THADA: variants seen among roughly 807,000 people sequenced by gnomAD.
The protein encoded by THADA is THADA armadillo repeat containing.
Under a neutral mutation model 219.8 loss-of-function variants are expected in THADA, and 213 were observed. That is an observed-to-expected ratio of 0.97 (90% CI 0.87 to 1.09). THADA has a LOEUF of 1.09. THADA is among the 50% of genes least tolerant of loss of function. The pLI, the probability that THADA is intolerant of heterozygous loss-of-function variation, is 0.00. For synonymous variants in THADA, 1,018 were observed against 828.9 expected, an observed-to-expected ratio of 1.23 and a Z score of -3.92; for missense variants, 2,956 against 2,311.3, an observed-to-expected ratio of 1.28 and a Z score of -5.72.
intron 26 of THADA, among the ~76,000 whole-genome samples, chr2:43,452,439 T>C (rs1035892245): frequency 1.3e-5 from 2 of 152,080 alleles, no homozygotes; most frequent in Non-Finnish European, 2.9e-5. Flanking sequence ...AGCTTGGAGG[T>C]AAATACAGAA....
At chr2:43,545,970 T>C (rs1434797795) in intron 20 of THADA, among the ~76,000 whole-genome samples, 2 of 151,554 alleles carry the variant, frequency 1.3e-5, no homozygotes, top group African/African-American at 4.8e-5. Flanking sequence ...GATGTTAGGG[T>C]GTCAATTTTG....
intron 21 of THADA, chr2:43,538,288 T>A (rs1191279797): frequency 6.6e-6 from 1 of 152,202 alleles, no homozygotes; most frequent in Non-Finnish European, 1.5e-5. Flanking sequence ...AGTTGTGAGA[T>A]AAGGTTGTGT....
At chr2:43,353,848 C>T (rs964709281) in intron 29 of THADA, among the ~76,000 whole-genome samples, 6 of 131,748 alleles carry the variant, frequency 4.6e-5, no homozygotes, top group African/African-American at 1.9e-4. Context: ...GATGTAGTCT[C>T]GCTCTGTTGC....
chr2:43,511,946 T>C (rs915783096), intron 22 of THADA, among the ~76,000 whole-genome samples: 6 of 152,162 alleles, frequency 3.9e-5, no homozygotes, highest in African/African-American at 1.4e-4. Flanking sequence ...GGGAAAGAGC[T>C]AGGTCAAGGC....
chr2:43,530,511 G>A (rs567968527), intron 21 of THADA, among the ~76,000 whole-genome samples: 22 of 152,212 alleles, frequency 1.4e-4, no homozygotes, highest in South Asian at 1.0e-3. Flanking sequence ...CCATCATTTC[G>A]ATTATTAGAG....
chr2:43,578,729 G>A (rs994404654), intron 8 of THADA, 122 bp from the exon 9 acceptor site: 1 of 526,026 alleles, frequency 1.9e-6, no homozygotes, highest in Non-Finnish European at 3.4e-6. Flanking sequence ...CACTTCCTGG[G>A]TGAATAGGTC....
At position 43,292,946 on chromosome 2, in the gene THADA, A is replaced by C. The variant is rs1247086713; in HGVS notation, c.4706T>G (p.Leu1569Ter). 4 of 1,613,922 alleles carry C rather than the reference A, an allele frequency of 2.5e-6. No individual in the cohort carries two copies. Residue 1569 changes from leucine to a stop codon, truncating the protein, a stop_gained, in exon 32 of 38, where the codon TTA (leucine) becomes TGA (stop). Transcript: ENST00000405975. LOFTEE classifies it high-confidence loss of function. ...LTLEALLEKF[L>*]AAASGLGEKG... is the part of the protein sequence containing the mutation. The stretch of plus-strand genomic sequence containing the variant: ...CTCTCCAAGTCCAGAGGCTGCTGCT[A>C]AGAACTTTTCCAAGAGGGCTTCCAG...
At chr2:43,558,994 C>T (rs1204714940) in intron 16 of THADA, among the ~76,000 whole-genome samples, 1 of 152,110 alleles carries the variant, frequency 6.6e-6, no homozygotes, top group Admixed American at 6.6e-5. Flanking sequence ...CCCTGAGCCC[C>T]TTAGTGATGT....
chr2:43,410,805 T>C (rs1407919787), intron 28 of THADA, among the ~76,000 whole-genome samples: 7 of 152,228 alleles, frequency 4.6e-5, no homozygotes, highest in Non-Finnish European at 1.0e-4. Flanking sequence ...GATGGTTTTA[T>C]GGGTATATAA....
chr2:43,428,050 C>G, intron 28 of THADA, 50 bp downstream of exon 28: 2 of 1,405,980 alleles, frequency 1.4e-6, no homozygotes, highest in Non-Finnish European at 1.9e-6. Flanking sequence ...AAAATATTCC[C>G]GTAAAACTCC....
intron 36 of THADA, among the ~76,000 whole-genome samples, chr2:43,243,320 G>A (rs980362261): frequency 1.3e-4 from 20 of 152,184 alleles, no homozygotes; most frequent in Non-Finnish European, 2.1e-4. Flanking sequence ...GGTTGTCAGA[G>A]TCAGAGTTGG....
chr2:43,516,507 G>A (rs755112334), intron 22 of THADA, among the ~76,000 whole-genome samples: 4 of 152,030 alleles, frequency 2.6e-5, no homozygotes, highest in South Asian at 4.1e-4. Context: ...CTTCCTCCAG[G>A]TATTTACATC....
intron 26 of THADA, among the ~76,000 whole-genome samples, chr2:43,457,916 T>C (rs1222493066): frequency 6.6e-6 from 1 of 151,372 alleles, no homozygotes; most frequent in East Asian, 1.9e-4. Flanking sequence ...ACACTGAGGA[T>C]GAGAAAGGAA....
intron 4 of THADA, among the ~76,000 whole-genome samples, chr2:43,587,385 T>A (rs1025627680): frequency 4.6e-5 from 7 of 152,194 alleles, no homozygotes; most frequent in Non-Finnish European, 1.0e-4. Flanking sequence ...TGACCTCATC[T>A]TTATTTATTT....
intron 26 of THADA, among the ~76,000 whole-genome samples, chr2:43,443,737 T>C (rs149484455): frequency 1.3e-5 from 2 of 152,352 alleles, no homozygotes; most frequent in East Asian, 3.9e-4. Context: ...CAGCTTTAAA[T>C]TCAGAACTGT....
chr2:43,571,674 C>A, intron 13 of THADA, 33 bp downstream of exon 13: 1 of 1,580,070 alleles, frequency 6.3e-7, no homozygotes, highest in South Asian at 1.2e-5. Context: ...CAAAGTTCAC[C>A]ACTTCCCTAT....
Position 43,485,241 on chromosome 2 carries a change from T to C in THADA, c.3829A>G (p.Thr1277Ala), listed in dbSNP as rs1686768020. 1.9e-6 allele frequency: 3 copies of C among 1,610,922 alleles called. No individual in the cohort carries two copies. The African/African-American group carries it at 4.0e-5, about 21-fold the overall frequency. ...VKRAKDEHSK[T>A]NRMTGREFFS... ...GCCTTAAATGGAGCTTACCTATTTG[T>C]TTTGGAATGTTCATCCTTTGCCCTT... The change falls in exon 26 of 38, where the codon ACA becomes GCA. Residue 1277 changes from threonine (T) to alanine (A), a missense_variant. Physicochemically the swap from Thr to Ala is moderately conservative, Grantham distance 58. Coordinates refer to ENST00000405975, the MANE Select transcript of THADA (RefSeq NM_022065.5).
At chr2:43,540,215 T>A (rs1695120766) in intron 21 of THADA, among the ~76,000 whole-genome samples, 1 of 152,206 alleles carries the variant, frequency 6.6e-6, no homozygotes, top group South Asian at 2.1e-4. Flanking sequence ...TGACGCCTAT[T>A]TGATTTGGAA....
At chr2:43,464,140 C>A (rs1337655275) in intron 26 of THADA, among the ~76,000 whole-genome samples, 1 of 152,098 alleles carries the variant, frequency 6.6e-6, no homozygotes, top group African/African-American at 2.4e-5. Context: ...ATCCGTGAGG[C>A]TTAATATGGT....
Sources: allele counts gnomAD v4.1 joint callset (sites outside exome capture counted in the v4.1 genomes callset), GRCh38; gene constraint gnomAD v4.1.1; transcripts MANE v1.5; gene names NCBI Gene and HGNC (gene_info 2026-07-23, HGNC 2026-07-21).